The following CMSS1 variants were observed in gnomAD, a reference collection of about 807,000 sequenced individuals.
CMSS1 encodes the protein protein CMSS1.
A neutral mutation model predicts 43.5 loss-of-function variants in CMSS1; 33 were observed. That is an observed-to-expected ratio of 0.76 (90% confidence interval 0.57 to 1.01). The LOEUF (loss-of-function observed/expected upper bound fraction) is 1.01, where lower values mean the gene tolerates loss of function less well. Ranked by LOEUF, CMSS1 falls within the 50% of genes least tolerant of loss-of-function variation. CMSS1 has a pLI of 0.00. For missense variants in CMSS1, 313 were observed against 326.4 expected (o/e 0.96, Z 0.32); for synonymous variants, 115 against 117.2 (o/e 0.98, Z 0.12).
intron 1 of CMSS1, among the ~76,000 whole-genome samples, chr3:99,955,647 C>T (rs1024535903): frequency 6.6e-6 from 1 of 152,148 alleles, no homozygotes; most frequent in Non-Finnish European, 1.5e-5. Context: ...TTAGTCTTGC[C>T]TATCAAACTC....
intron 4 of CMSS1, among the ~76,000 whole-genome samples, chr3:100,164,875 A>G (rs969862186): frequency 6.6e-5 from 10 of 152,192 alleles, no homozygotes; most frequent in African/African-American, 2.4e-4. Context: ...GGGCAGGAAC[A>G]TGTCTTTTCA....
intron 2 of CMSS1, among the ~76,000 whole-genome samples, chr3:100,158,402 G>C (rs769904654): frequency 1.3e-5 from 2 of 152,182 alleles, no homozygotes; most frequent in Non-Finnish European, 2.9e-5. Context: ...AATGCTTAGT[G>C]GCTTGGCCGG....
intron 1 of CMSS1, among the ~76,000 whole-genome samples, chr3:100,135,535 G>A (rs1259124300): frequency 6.6e-6 from 1 of 150,986 alleles, no homozygotes; most frequent in Non-Finnish European, 1.5e-5. Flanking sequence ...CTGGAGTGCA[G>A]TGGCATCATC....
At chr3:100,156,299 C>CTTTTTTTTT (rs34413816) in intron 2 of CMSS1, among the ~76,000 whole-genome samples, 14 of 73,118 alleles carry the variant, frequency 1.9e-4, no homozygotes, top group East Asian at 4.2e-4. Flanking sequence ...AATTTTTTTT[C>CTTTTTTTTT]TTTTTTTTTT....
chr3:99,976,705 A>T (rs528086928), intron 1 of CMSS1, among the ~76,000 whole-genome samples: 59 of 152,132 alleles, frequency 3.9e-4, no homozygotes, highest in African/African-American at 1.3e-3. Context: ...TTTCAATATG[A>T]TAGGATTTTA....
rs117602251 is a variant in CMSS1 at position 100,123,613 on chromosome 3, G to A, written c.65-23360G>A. ...TGAACAGGGTACTCCCAGGCCGTGCGCTGGGTAGACCCAAGGAAAATGACC... is the reference window on the plus strand; with the variant it reads ...TGAACAGGGTACTCCCAGGCCGTGCACTGGGTAGACCCAAGGAAAATGACC... On this transcript the variant is annotated intron_variant, in intron 1 of 9. Transcript: ENST00000421999. Among the ~76,000 whole-genome samples, 57 of 152,318 alleles carry A rather than the reference G, an allele frequency of 3.7e-4. No individual in the cohort carries two copies. The East Asian group carries it at 8.5e-3, about 23-fold the overall frequency.
At chr3:99,982,166 A>T (rs1709143137) in intron 1 of CMSS1, among the ~76,000 whole-genome samples, 1 of 152,092 alleles carries the variant, frequency 6.6e-6, no homozygotes, top group South Asian at 2.1e-4. Context: ...ATTTCGGTAT[A>T]TGTATTTTAG....
chr3:100,018,152 C>G (rs535027824), intron 1 of CMSS1, among the ~76,000 whole-genome samples: 1 of 152,218 alleles, frequency 6.6e-6, no homozygotes, highest in South Asian at 2.1e-4. Context: ...ATGGTGAAAT[C>G]TCGTCTCTAT....
chr3:100,017,630 A>T (rs187799746), intron 1 of CMSS1, among the ~76,000 whole-genome samples: 2 of 152,194 alleles, frequency 1.3e-5, no homozygotes, highest in Non-Finnish European at 1.5e-5. Flanking sequence ...ATTATCTGAC[A>T]TGTAAAGTTG....
intron 1 of CMSS1, among the ~76,000 whole-genome samples, chr3:99,933,922 A>G (rs182118082): frequency 7.4e-4 from 112 of 152,332 alleles, no homozygotes; most frequent in Non-Finnish European, 1.4e-3. Context: ...GAGGCTAAAT[A>G]ACAATGGCTC....
intron 1 of CMSS1, among the ~76,000 whole-genome samples, chr3:100,023,044 T>G (rs1435766022): frequency 6.6e-6 from 1 of 152,162 alleles, no homozygotes; most frequent in Non-Finnish European, 1.5e-5. Context: ...TTCAGGTGTT[T>G]TAACCATTTA....
chr3:99,996,269 C>A (rs1421608925), intron 1 of CMSS1, among the ~76,000 whole-genome samples: 1 of 152,170 alleles, frequency 6.6e-6, no homozygotes, highest in Non-Finnish European at 1.5e-5. Context: ...AATCTCTTTG[C>A]TAAAACATAA....
At chr3:100,055,876 T>C (rs6788750) in intron 1 of CMSS1, among the ~76,000 whole-genome samples, 1 of 151,936 alleles carries the variant, frequency 6.6e-6, no homozygotes, top group East Asian at 1.9e-4. Flanking sequence ...AAGTTTTTCA[T>C]AACTACCTTC....
chr3:99,838,148 A>T (rs1204954713), intron 1 of CMSS1, among the ~76,000 whole-genome samples: 2 of 152,224 alleles, frequency 1.3e-5, no homozygotes, highest in Admixed American at 1.3e-4. Flanking sequence ...GATAAAGTGG[A>T]CACTGACTGC....
chr3:100,016,594 G>T (rs893523601), intron 1 of CMSS1, among the ~76,000 whole-genome samples: 3 of 152,126 alleles, frequency 2.0e-5, no homozygotes, highest in African/African-American at 7.2e-5. Context: ...CTAATCTTCT[G>T]TGACCTTGAA....
intron 1 of CMSS1, among the ~76,000 whole-genome samples, chr3:99,962,432 A>G (rs180686813): frequency 6.6e-6 from 1 of 152,162 alleles, no homozygotes; most frequent in Non-Finnish European, 1.5e-5. Context: ...AATATTTTGT[A>G]TATTATCTTT....
intron 1 of CMSS1, among the ~76,000 whole-genome samples, chr3:99,837,678 T>C (rs546485180): frequency 2.0e-5 from 3 of 152,342 alleles, no homozygotes; most frequent in Non-Finnish European, 4.4e-5. Flanking sequence ...CCAACACTTC[T>C]CCTTCTGACC....
chr3:99,926,140 C>T lies in CMSS1; in HGVS notation c.64+108097C>T, dbSNP rs186894024. 1.6e-3 allele frequency among the ~76,000 whole-genome samples: 246 copies of T among 152,334 alleles called. 5 individuals carry two copies. Among genetic ancestry groups the T allele is most frequent in the Non-Finnish European group, 1.8e-3 (125 of 68,032 alleles). On this transcript the variant is annotated intron_variant, in intron 1 of 9. Transcript: ENST00000421999. ...AATTTAAGTTGTGTATCCTAAAAAG[C>T]ATGTACTTGACTAGAAATGTACTTG...
chr3:99,868,389 T>C (rs1944623436), intron 1 of CMSS1, among the ~76,000 whole-genome samples: 1 of 152,170 alleles, frequency 6.6e-6, no homozygotes. Context: ...GACTGCATCC[T>C]ACAAAGGACC....
Sources: gnomAD v4.1 joint callset for allele counts (sites outside exome capture counted in the v4.1 genomes callset) on GRCh38, gnomAD v4.1.1 for gene constraint, MANE v1.5 for transcripts, NCBI Gene and HGNC (gene_info 2026-07-23, HGNC 2026-07-21) for gene names.